Variants in CPEB3 observed in about 807,000 individuals in gnomAD.
CPEB3 encodes the protein cytoplasmic polyadenylation element-binding protein 3.
A neutral mutation model predicts 67.2 loss-of-function variants in CPEB3; 20 were observed. The observed-to-expected ratio is 0.30, with a 90% CI of 0.21 to 0.43. The LOEUF (loss-of-function observed/expected upper bound fraction) is 0.43, where lower values mean the gene tolerates loss of function less well. Among genes scored for constraint, CPEB3 ranks in the 20% least tolerant of loss-of-function variants. The pLI, the probability that CPEB3 is intolerant of heterozygous loss-of-function variation, is 1.00. For synonymous variants in CPEB3, 376 were observed against 393.1 expected (o/e 0.96, Z 0.51); for missense variants, 746 against 968.6 (o/e 0.77, Z 3.05).
chr10:92,137,660 T>C (rs1030305636), intron 6 of CPEB3: 9 of 549,880 alleles, frequency 1.6e-5, no homozygotes, highest in Admixed American at 3.0e-5. Flanking sequence ...TATGAAACCC[T>C]GATTGTCACC....
At chr10:92,158,825 C>T (rs1847328624) in intron 4 of CPEB3, among the ~76,000 whole-genome samples, 1 of 152,190 alleles carries the variant, frequency 6.6e-6, no homozygotes, top group African/African-American at 2.4e-5. Context: ...TGTATTGTTA[C>T]ATTGTTTAAT....
chr10:92,112,415 G>A (rs2133500565), intron 6 of CPEB3, among the ~76,000 whole-genome samples: 1 of 152,284 alleles, frequency 6.6e-6, no homozygotes. Context: ...AAAGTGCTGG[G>A]ATTACAGGTG....
At position 92,049,130 on chromosome 10, in the gene CPEB3, A is replaced by G. The variant is rs893358810; in HGVS notation, c.*3082T>C. 4.6e-5 allele frequency: 7 copies of G among 152,682 alleles called. No homozygotes were observed. Among genetic ancestry groups the G allele is most frequent in the African/African-American group, 1.4e-4 (6 of 41,472 alleles). 9.5% of individuals were successfully genotyped at this position (152,682 alleles called of 1,614,324 possible). A position where few individuals can be genotyped will look rare whatever the true frequency, so the allele number is the denominator to read the frequency against. ...CATGAAGAAAAGGTACATATTTGAC[A>G]GTAGAAAAATGATTTCAGTGAATCA... On this transcript the variant is annotated 3_prime_UTR_variant, in exon 10 of 10. Coordinates refer to ENST00000265997, the MANE Select transcript of CPEB3 (RefSeq NM_014912.5).
intron 1 of CPEB3, among the ~76,000 whole-genome samples, chr10:92,253,465 A>C (rs1852387498): frequency 7.3e-6 from 1 of 137,242 alleles, no homozygotes; most frequent in Non-Finnish European, 1.5e-5. Flanking sequence ...TCTCAAAACA[A>C]AAAAAAAAAA....
At chr10:92,105,725 T>G (rs1482679246) in intron 7 of CPEB3, among the ~76,000 whole-genome samples, 2 of 147,126 alleles carry the variant, frequency 1.4e-5, no homozygotes, top group African/African-American at 2.5e-5. Flanking sequence ...GTTTTTTTTT[T>G]TTTTTTTTTT....
At chr10:92,083,327 A>AT (rs1267978294) in intron 8 of CPEB3, among the ~76,000 whole-genome samples, 3 of 152,268 alleles carry the variant, frequency 2.0e-5, no homozygotes, top group African/African-American at 7.2e-5. Flanking sequence ...TTACTAAGCC[A>AT]TATCAGCCAA....
intron 1 of CPEB3, among the ~76,000 whole-genome samples, chr10:92,260,680 CATTCCACCT>C (rs1435898227): frequency 6.6e-6 from 1 of 152,148 alleles, no homozygotes; most frequent in Admixed American, 6.5e-5. Context: ...CATCTCAGCT[CATTCCACCT>C]ATTCCACCTC....
At chr10:92,061,540 T>TAG (rs1175743019) in intron 9 of CPEB3, among the ~76,000 whole-genome samples, 9 of 151,250 alleles carry the variant, frequency 6.0e-5, no homozygotes, top group African/African-American at 2.2e-4. Context: ...ACAACATGGA[T>TAG]AGAACTGGAG....
chr10:92,240,182 T>C lies in CPEB3; in HGVS notation c.169A>G (p.Ser57Gly). 1 of 1,533,006 alleles carries C rather than the reference T, an allele frequency of 6.5e-7. No homozygotes were observed. The highest frequency in any genetic ancestry group is 8.8e-7 in the Non-Finnish European group (1 of 1,137,844). The allele number at this position is 1,533,006 out of a possible 1,614,324, so 95.0% of individuals were successfully genotyped here. A position where few individuals can be genotyped will look rare whatever the true frequency, so the allele number is the denominator to read the frequency against. Reference sequence around the variant, plus strand: ...GGGGCCGGGGGGGCAGCGGCTGGGCTGAGGGCCGGCACTGCGCTGTTTTCC... The same window carrying C: ...GGGGCCGGGGGGGCAGCGGCTGGGCCGAGGGCCGGCACTGCGCTGTTTTCC... The part of the protein sequence containing the change: ...PEENSAVPAL[S>G]PAAAPPAPNG... Residue 57 changes from serine to glycine, a missense_variant, in exon 2 of 10, where the codon AGC becomes GGC. This residue lies in a region of CPEB3 where 643 missense variants were observed against 717.5 expected (regional missense o/e 0.90). Coordinates refer to ENST00000265997, the MANE Select transcript of CPEB3 (RefSeq NM_014912.5).
chr10:92,064,323 C>T (rs1878424), intron 9 of CPEB3, among the ~76,000 whole-genome samples: 39,512 of 152,056 alleles, frequency 0.26, 6,201 homozygotes, highest in Admixed American at 0.36. Context: ...TTTCAGAGAA[C>T]CCAGAAGATA....
intron 9 of CPEB3, among the ~76,000 whole-genome samples, chr10:92,057,550 G>T (rs1297192921): frequency 2.0e-5 from 3 of 152,224 alleles, no homozygotes; most frequent in African/African-American, 7.2e-5. Context: ...AAAGCCACAA[G>T]CCTGGCTGGC....
At chr10:92,268,458 T>A (rs1369488787) in intron 1 of CPEB3, among the ~76,000 whole-genome samples, 1 of 152,126 alleles carries the variant, frequency 6.6e-6, no homozygotes, top group Non-Finnish European at 1.5e-5. Flanking sequence ...CAAGACTCCA[T>A]CTCTAGTAAA....
intron 6 of CPEB3, among the ~76,000 whole-genome samples, chr10:92,111,648 T>C (rs1327046676): frequency 2.0e-5 from 3 of 152,076 alleles, no homozygotes; most frequent in Non-Finnish European, 4.4e-5. Flanking sequence ...AGACAAAAAA[T>C]AGATTAGTGG....
intron 7 of CPEB3, among the ~76,000 whole-genome samples, chr10:92,093,965 G>A (rs988552486): frequency 6.6e-6 from 1 of 151,926 alleles, no homozygotes; most frequent in African/African-American, 2.4e-5. Context: ...AGTGATTCTC[G>A]TGCCTCAGCC....
intron 4 of CPEB3, among the ~76,000 whole-genome samples, chr10:92,148,105 T>A (rs1846776270): frequency 6.6e-6 from 1 of 152,128 alleles, no homozygotes. Context: ...AAACATTAAT[T>A]TGAACATGTA....
rs1454402145 is a variant in CPEB3 at position 92,051,139 on chromosome 10, G to T, written c.*1073C>A. The T allele has an allele frequency of 6.6e-6, 1 of 152,470 alleles. No homozygotes were observed. The highest frequency in any genetic ancestry group is 1.5e-5 in the Non-Finnish European group (1 of 68,026). 9.4% of individuals were successfully genotyped at this position (152,470 alleles called of 1,614,324 possible). On this transcript the variant is annotated 3_prime_UTR_variant, in exon 10 of 10. Coordinates refer to ENST00000265997, the MANE Select transcript of CPEB3 (RefSeq NM_014912.5). ...TATCGGTTGTAATATAGGTCATTCT[G>T]TTATGGGCTCTTCCCATTCAGAGCA...
rs1841905215 is a variant in CPEB3, at chr10:92,051,886, C to T, written c.*326G>A. On this transcript the variant is annotated 3_prime_UTR_variant, in exon 10 of 10. Transcript: ENST00000265997. Reference sequence around the variant, plus strand: ...CAAACAAAAGAATCACAGACAGTAGCCTGACGGCCGCTGATGAGAATGGCA... The same window carrying T: ...CAAACAAAAGAATCACAGACAGTAGTCTGACGGCCGCTGATGAGAATGGCA... 9.2e-6 allele frequency: 2 copies of T among 217,766 alleles called. No homozygotes were observed. Among genetic ancestry groups the T allele is most frequent in the Non-Finnish European group, 1.8e-5 (2 of 108,928 alleles). The allele number at this position is 217,766 out of a possible 1,614,324, so 13.5% of individuals were successfully genotyped here.
chr10:92,120,194 G>A lies in CPEB3; in HGVS notation c.1454-9000C>T, dbSNP rs979887775. ...GGTGAGGCCGAGGAGGGCAGATCAC[G>A]AGGTCAGGAGATTGAGACCATCCTG... is the stretch of plus-strand genomic sequence containing the variant. On this transcript the variant is annotated intron_variant, in intron 6 of 9. Coordinates refer to ENST00000265997, the MANE Select transcript of CPEB3 (RefSeq NM_014912.5). 3.3e-5 allele frequency among the ~76,000 whole-genome samples: 5 copies of A among 150,014 alleles called. No homozygotes were observed. In the Admixed American group the frequency reaches 3.4e-4, roughly 10 times the overall value.
intron 8 of CPEB3, among the ~76,000 whole-genome samples, chr10:92,081,763 A>G (rs559627155): frequency 1.3e-5 from 2 of 152,340 alleles, no homozygotes; most frequent in East Asian, 3.9e-4. Context: ...TAGCAGTAGT[A>G]TAGAAGAAAT....
Sources: allele counts gnomAD v4.1 joint callset (sites outside exome capture counted in the v4.1 genomes callset), GRCh38; gene constraint gnomAD v4.1.1; regional missense constraint gnomAD v4.1.1; transcripts MANE v1.5; gene names NCBI Gene and HGNC (gene_info 2026-07-23, HGNC 2026-07-21).